The following CYP4X1 variants were observed in gnomAD, a reference collection of about 807,000 sequenced individuals.
The protein encoded by CYP4X1 is cytochrome P450 family 4 subfamily X member 1, also known as cytochrome P450 4X1.
Under a neutral mutation model 57.9 loss-of-function variants are expected in CYP4X1, and 44 were observed. That is an observed-to-expected ratio of 0.76 (90% confidence interval 0.60 to 0.98). The LOEUF is 0.98. CYP4X1 is among the 50% of genes least tolerant of loss of function. CYP4X1 has a pLI of 0.00. For missense variants in CYP4X1, 532 were observed against 623.9 expected, an observed-to-expected ratio of 0.85 and a Z score of 1.57; for synonymous variants, 227 against 228.6, an observed-to-expected ratio of 0.99 and a Z score of 0.06.
chr1:47,006,510 C>A, the CYP4X1 span, among the ~76,000 whole-genome samples: 1 of 152,170 alleles, frequency 6.6e-6, no homozygotes, highest in Non-Finnish European at 1.5e-5. Context: ...GTGAGTGATG[C>A]AGAAGATGGG....
upstream of CYP4X1, among the ~76,000 whole-genome samples, chr1:47,021,472 T>A (rs1643995964): frequency 6.6e-6 from 1 of 152,066 alleles, no homozygotes; most frequent in African/African-American, 2.4e-5. Context: ...TATCTAATTA[T>A]CCCCCTCTAG....
intron 8 of CYP4X1, among the ~76,000 whole-genome samples, chr1:47,045,787 C>G (rs922215629): frequency 6.6e-6 from 1 of 152,228 alleles, no homozygotes. Context: ...CTCACTAGAA[C>G]TTTCCAGAGG....
At chr1:47,019,012 T>C (rs1406838339), upstream of CYP4X1, among the ~76,000 whole-genome samples, 2 of 152,140 alleles carry the variant, frequency 1.3e-5, no homozygotes, top group Non-Finnish European at 2.9e-5. Context: ...AAGAGAGCTT[T>C]TATTTCTGTA....
intron 8 of CYP4X1, among the ~76,000 whole-genome samples, chr1:47,042,366 T>C (rs1644256503): frequency 6.6e-6 from 1 of 151,966 alleles, no homozygotes; most frequent in Non-Finnish European, 1.5e-5. Flanking sequence ...GTAGTATGGA[T>C]ATTTTAACAG....
chr1:47,003,430 C>T, the CYP4X1 span, among the ~76,000 whole-genome samples: 6 of 152,122 alleles, frequency 3.9e-5, no homozygotes, highest in African/African-American at 1.4e-4. Flanking sequence ...ATTTCCATCT[C>T]CTCTTAATTG....
downstream of CYP4X1, among the ~76,000 whole-genome samples, chr1:47,051,184 C>G (rs1176910481): frequency 6.6e-6 from 1 of 152,200 alleles, no homozygotes; most frequent in East Asian, 1.9e-4. Flanking sequence ...CAATGAGATA[C>G]CATCTCACAC....
At chr1:47,001,629 T>TA in the CYP4X1 span, among the ~76,000 whole-genome samples, 1 of 152,192 alleles carries the variant, frequency 6.6e-6, no homozygotes, top group Non-Finnish European at 1.5e-5. Flanking sequence ...GCCTTGCCCT[T>TA]ACGCCTCGGT....
the CYP4X1 span, among the ~76,000 whole-genome samples, chr1:47,004,642 G>T: frequency 1.8e-4 from 27 of 151,872 alleles, no homozygotes; most frequent in Admixed American, 1.6e-3. Flanking sequence ...TCTTTCAGCT[G>T]CTGTTTCTAG....
chr1:46,980,620 A>T, the CYP4X1 span, among the ~76,000 whole-genome samples: 1 of 152,220 alleles, frequency 6.6e-6, no homozygotes, highest in Non-Finnish European at 1.5e-5. Context: ...ACAGAATTAG[A>T]AAAAGCTACT....
At chr1:47,018,795 G>A (rs1643968456), upstream of CYP4X1, among the ~76,000 whole-genome samples, 1 of 152,084 alleles carries the variant, frequency 6.6e-6, no homozygotes, top group East Asian at 1.9e-4. Context: ...GGGGAAAAAA[G>A]AAAAAAATTG....
At chr1:46,975,410 C>G in the CYP4X1 span, among the ~76,000 whole-genome samples, 2 of 151,386 alleles carry the variant, frequency 1.3e-5, no homozygotes, top group African/African-American at 2.5e-5. Flanking sequence ...TTTTATTTCT[C>G]TTTTGCTTAT....
Position 47,023,722 on chromosome 1 carries a change from G to A in CYP4X1, c.-96G>A, listed in dbSNP as rs971574907. 1 of 1,486,948 alleles carries A rather than the reference G, an allele frequency of 6.7e-7. No homozygotes were observed. 92.1% of individuals were successfully genotyped at this position (1,486,948 alleles called of 1,614,324 possible). A position where few individuals can be genotyped will look rare whatever the true frequency, so the allele number is the denominator to read the frequency against. The stretch of plus-strand genomic sequence containing the variant: ...AAGCTTCGCGAGGGCCCAGAGAGGC[G>A]GTGGGGTGGGCGACCCTACGCCAGC... On this transcript the variant is annotated 5_prime_UTR_variant, in exon 1 of 12. Coordinates refer to ENST00000371901, the MANE Select transcript of CYP4X1 (RefSeq NM_178033.2).
the CYP4X1 span, among the ~76,000 whole-genome samples, chr1:46,977,492 A>G: frequency 6.6e-6 from 1 of 152,162 alleles, no homozygotes; most frequent in Non-Finnish European, 1.5e-5. Flanking sequence ...GATCAAATCT[A>G]CATCAGATTG....
chr1:47,026,759 CCAGGCTGGAGTGCAGTGACG>C (rs1644070633), intron 1 of CYP4X1, among the ~76,000 whole-genome samples: 1 of 152,006 alleles, frequency 6.6e-6, no homozygotes, highest in African/African-American at 2.4e-5. Context: ...GCTCTGTCGC[CCAGGCTGGAGTGCAGTGACG>C]CAATCTCGGC....
At chr1:47,029,144 G>A (rs542589342) in intron 1 of CYP4X1, among the ~76,000 whole-genome samples, 1 of 152,322 alleles carries the variant, frequency 6.6e-6, no homozygotes, top group East Asian at 1.9e-4. Flanking sequence ...AAATCTGGCA[G>A]CCTTAAGATT....
At chr1:47,049,894 A>AG (rs1644343541) in intron 11 of CYP4X1, 106 bp from the exon 12 acceptor site, 1 of 1,206,450 alleles carries the variant, frequency 8.3e-7, no homozygotes, top group East Asian at 2.4e-5. Flanking sequence ...TTTGGTGGAA[A>AG]AATATCACTT....
intron 9 of CYP4X1, among the ~76,000 whole-genome samples, chr1:47,048,126 G>A (rs562213488): frequency 1.3e-5 from 2 of 151,784 alleles, no homozygotes; most frequent in African/African-American, 2.4e-5. Context: ...TTGCATGCTT[G>A]TATTCCTGCC....
the CYP4X1 span, among the ~76,000 whole-genome samples, chr1:47,018,125 G>A: frequency 6.6e-6 from 1 of 152,158 alleles, no homozygotes; most frequent in Admixed American, 6.5e-5. Flanking sequence ...GGACCAAACT[G>A]AGGGTCAGGC....
In CYP4X1 at chr1:47,048,589, G is replaced by A. The variant is rs772648887; in HGVS notation, c.1232G>A (p.Trp411Ter). The A allele has an allele frequency of 1.2e-6, 2 of 1,613,892 alleles. No homozygotes were observed. The highest frequency in any genetic ancestry group is 1.7e-6 in the Non-Finnish European group (2 of 1,179,926). The change falls in exon 10 of 12, where the codon TGG becomes TAG. Residue 411 changes from tryptophan (W) to a stop codon, truncating the protein, a stop_gained. Coordinates refer to ENST00000371901, the MANE Select transcript of CYP4X1 (RefSeq NM_178033.2). LOFTEE classifies it high-confidence loss of function. ...PAGITVVLSIWGLHHNPAVWK... is the reference protein window; with the variant it reads ...PAGITVVLSI ...GGGATCACCGTGGTTCTTAGTATTT[G>A]GGGTCTTCACCACAACCCTGCTGTC...
Sources: allele counts gnomAD v4.1 joint callset (sites outside exome capture counted in the v4.1 genomes callset), GRCh38; gene constraint gnomAD v4.1.1; transcripts MANE v1.5; gene names NCBI Gene and HGNC (gene_info 2026-07-23, HGNC 2026-07-21).